The following SEMA5A variants were observed in gnomAD, a reference collection of about 807,000 sequenced individuals.
SEMA5A encodes semaphorin-5A.
A neutral mutation model predicts 135.5 loss-of-function variants in SEMA5A; 55 were observed. The ratio of observed to expected loss-of-function variants is 0.41; its 90% CI spans 0.33 to 0.51. The LOEUF is 0.51. SEMA5A is among the 20% of genes least tolerant of loss of function. SEMA5A has a pLI of 0.37. For missense variants in SEMA5A, 1,290 were observed against 1,419.9 expected (o/e 0.91, Z 1.47); for synonymous variants, 580 against 546.5 (o/e 1.06, Z -0.85).
intron 3 of SEMA5A, among the ~76,000 whole-genome samples, chr5:9,349,926 CA>C (rs113875412): frequency 0.011 from 1,577 of 147,802 alleles, 25 homozygotes; most frequent in African/African-American, 0.037. Flanking sequence ...AACAAACAAA[CA>C]AAAAAAAAAC....
At chr5:9,507,800 C>G (rs536732018) in intron 1 of SEMA5A, among the ~76,000 whole-genome samples, 1 of 152,118 alleles carries the variant, frequency 6.6e-6, no homozygotes, top group East Asian at 1.9e-4. Flanking sequence ...GTCAGGAGAT[C>G]GAGACCATCC....
At chr5:9,504,854 C>G (rs2126829593) in intron 1 of SEMA5A, among the ~76,000 whole-genome samples, 1 of 152,376 alleles carries the variant, frequency 6.6e-6, no homozygotes, top group South Asian at 2.1e-4. Context: ...AGGGCCAAAG[C>G]ATCGGGTTCC....
intron 5 of SEMA5A, among the ~76,000 whole-genome samples, chr5:9,272,596 A>T (rs1425403821): frequency 6.6e-6 from 1 of 152,106 alleles, no homozygotes; most frequent in Non-Finnish European, 1.5e-5. Flanking sequence ...GCCGACAGAC[A>T]CCTCATACAG....
intron 1 of SEMA5A, among the ~76,000 whole-genome samples, chr5:9,543,949 CTT>C (rs1738234420): frequency 6.6e-6 from 1 of 151,956 alleles, no homozygotes; most frequent in Non-Finnish European, 1.5e-5. Context: ...TTATACATAA[CTT>C]AATGGTATTA....
chr5:9,247,334 T>C (rs1748534325), intron 5 of SEMA5A, among the ~76,000 whole-genome samples: 1 of 152,174 alleles, frequency 6.6e-6, no homozygotes, highest in Non-Finnish European at 1.5e-5. Flanking sequence ...ACATTCTGTA[T>C]GAACTGTCAG....
At chr5:9,048,976 T>C (rs80069955) in intron 21 of SEMA5A, among the ~76,000 whole-genome samples, 3,452 of 152,212 alleles carry the variant, frequency 0.023, 143 homozygotes, top group African/African-American at 0.079. Flanking sequence ...GATGATATGA[T>C]TGCTTGTCAG....
intron 2 of SEMA5A, among the ~76,000 whole-genome samples, chr5:9,412,490 C>CTTT (rs34854075): frequency 1.3e-4 from 13 of 103,024 alleles, no homozygotes; most frequent in African/African-American, 4.8e-4. Context: ...TACTTCATTG[C>CTTT]TTTTTTTTTT....
chr5:9,379,617 T>C (rs905378140), intron 3 of SEMA5A, among the ~76,000 whole-genome samples: 1 of 152,236 alleles, frequency 6.6e-6, no homozygotes, highest in Non-Finnish European at 1.5e-5. Flanking sequence ...ATCCCTGTCT[T>C]AGATCCCTCT....
chr5:9,405,079 AAAC>A, intron 2 of SEMA5A, among the ~76,000 whole-genome samples: 1 of 152,318 alleles, frequency 6.6e-6, no homozygotes, highest in Non-Finnish European at 1.5e-5. Context: ...CCCCATCATG[AAAC>A]AACAAGCCCA....
chr5:9,143,164 T>TA (rs954692404), intron 12 of SEMA5A, among the ~76,000 whole-genome samples: 2 of 152,182 alleles, frequency 1.3e-5, no homozygotes, highest in African/African-American at 4.8e-5. Context: ...AGACAGTATA[T>TA]AAAAAAGGTT....
At chr5:9,463,236 C>T (rs13172456) in intron 1 of SEMA5A, among the ~76,000 whole-genome samples, 2 of 151,872 alleles carry the variant, frequency 1.3e-5, no homozygotes, top group African/African-American at 2.4e-5. Flanking sequence ...ATTCTGACAA[C>T]GAATTCTAAA....
At chr5:9,377,151 A>G (rs1034817377) in intron 3 of SEMA5A, among the ~76,000 whole-genome samples, 2 of 151,970 alleles carry the variant, frequency 1.3e-5, no homozygotes, top group Admixed American at 6.5e-5. Context: ...ACACTCTTCT[A>G]GAGAGTAGGC....
rs756603489 is a variant in SEMA5A, at chr5:9,249,074, C to T, written c.271-11184G>A. 2.0e-5 allele frequency among the ~76,000 whole-genome samples: 3 copies of T among 152,196 alleles called. No homozygotes were observed. The East Asian group carries it at 5.8e-4, about 29-fold the overall frequency. ...TGTTAGTATCTGTGTGTCCATCTAC[C>T]AAACATCTGGGCCAGGCCCATTGTA... On this transcript the variant is annotated intron_variant, in intron 5 of 22. Transcript: ENST00000382496.
intron 14 of SEMA5A, among the ~76,000 whole-genome samples, chr5:9,119,752 T>C (rs2150179364): frequency 6.6e-6 from 1 of 152,304 alleles, no homozygotes; most frequent in African/African-American, 2.4e-5. Flanking sequence ...AAACAAACTT[T>C]ATTAAAAATT....
At chr5:9,329,192 C>T (rs569264833) in intron 4 of SEMA5A, among the ~76,000 whole-genome samples, 18 of 148,292 alleles carry the variant, frequency 1.2e-4, no homozygotes, top group African/African-American at 4.0e-4. Flanking sequence ...GGACCCTTTA[C>T]TCAGGCTTCC....
chr5:9,337,950 C>G lies in SEMA5A; in HGVS notation c.125-138G>C, dbSNP rs569226882. 6.5e-5 allele frequency: 38 copies of G among 583,722 alleles called. 1 individual carries two copies. The East Asian group carries it at 1.1e-3, about 17-fold the overall frequency. The allele number at this position is 583,722 out of a possible 1,614,324, so 36.2% of individuals were successfully genotyped here. Reference sequence around the variant, plus strand: ...GTCCCTCTATGCCATCTTTCAGAGGCCACTGGAGGTTTCCCTCAGGATGCC... The same window carrying G: ...GTCCCTCTATGCCATCTTTCAGAGGGCACTGGAGGTTTCCCTCAGGATGCC... On this transcript the variant is annotated intron_variant, in intron 3 of 22. Transcript: ENST00000382496.
chr5:9,310,887 T>G (rs1004040970), intron 5 of SEMA5A, among the ~76,000 whole-genome samples: 2 of 150,444 alleles, frequency 1.3e-5, no homozygotes, highest in Non-Finnish European at 3.0e-5. Context: ...TATATATACA[T>G]GAACACACAT....
intron 3 of SEMA5A, among the ~76,000 whole-genome samples, chr5:9,353,319 G>GA (rs1561177769): frequency 1.8e-3 from 72 of 40,908 alleles, no homozygotes; most frequent in Middle Eastern, 0.012. Context: ...GAAGGGAAAG[G>GA]AAGGAAAGGA....
chr5:9,491,833 G>C lies in SEMA5A; in HGVS notation c.-175+53751C>G, dbSNP rs140248349. ...AAACCTGGTAGTCCTACAATCATGA[G>C]TGGATATTCTTATTCAATATATGCA... On this transcript the variant is annotated intron_variant, in intron 1 of 22. Transcript: ENST00000382496. 2.6e-5 allele frequency among the ~76,000 whole-genome samples: 4 copies of C among 152,268 alleles called. No homozygotes were observed. The East Asian group carries it at 7.7e-4, about 29-fold the overall frequency.
Sources: gnomAD v4.1 joint callset for allele counts (sites outside exome capture counted in the v4.1 genomes callset) on GRCh38, gnomAD v4.1.1 for gene constraint, MANE v1.5 for transcripts, NCBI Gene and HGNC (gene_info 2026-07-23, HGNC 2026-07-21) for gene names.